SEMA6B: variants seen among roughly 807,000 people sequenced by gnomAD.
SEMA6B encodes the protein semaphorin-6B.
Under a neutral mutation model 78.6 loss-of-function variants are expected in SEMA6B, and 47 were observed. The ratio of observed to expected loss-of-function variants is 0.60; its 90% confidence interval spans 0.47 to 0.76. The LOEUF is 0.76. Among genes scored for constraint, SEMA6B ranks in the 30% least tolerant of loss-of-function variants. The probability of loss-of-function intolerance (pLI) is 0.00; values close to 1 mark genes in which losing one functional copy is unlikely to be tolerated. For missense variants in SEMA6B, 1,213 were observed against 1,269.9 expected (o/e 0.96, Z 0.68); for synonymous variants, 632 against 592.2 (o/e 1.07, Z -0.98).
rs1568250537 is a variant in SEMA6B at position 4,542,790 on chromosome 19, GC to G, written c.*810del. On this transcript the variant is annotated 3_prime_UTR_variant, in exon 17 of 17. Transcript: ENST00000586582. Reference sequence around the variant, plus strand: ...CAGAGGGGCCCCACCCACCTTCGCCGCCCCCCAGGCCCCCAAGCCCTTTAGA... The same window carrying G: ...CAGAGGGGCCCCACCCACCTTCGCCGCCCCCAGGCCCCCAAGCCCTTTAGA... The G allele has an allele frequency of 2.9e-6, 2 of 687,290 alleles. No individual in the cohort carries two copies. The highest frequency in any genetic ancestry group is 2.7e-5 in the East Asian group (1 of 36,380). The allele number at this position is 687,290 out of a possible 1,614,324, so 42.6% of individuals were successfully genotyped here.
At position 4,550,440 on chromosome 19, in the gene SEMA6B, T is replaced by C. The variant is rs987065504; in HGVS notation, c.1122-168A>G. Among the ~76,000 whole-genome samples, 4 of 152,176 alleles carry C rather than the reference T, an allele frequency of 2.6e-5. No homozygotes were observed. The highest frequency in any genetic ancestry group is 2.1e-4 in the South Asian group (1 of 4,832). ...CCCAGGCTGGAGTGCTTTGGCTCAC[T>C]GCAACCTCCACCTCCTGGGTTCAAG... On this transcript the variant is annotated intron_variant, in intron 11 of 16. Coordinates refer to ENST00000586582, the MANE Select transcript of SEMA6B (RefSeq NM_032108.4). The surrounding 1 kb of genome is among the most constrained non-coding windows in gnomAD (Gnocchi z 6.6).
Position 4,543,495 on chromosome 19 carries a change from G to T in SEMA6B, c.*106C>A, listed in dbSNP as rs80073958. On this transcript the variant is annotated 3_prime_UTR_variant, in exon 17 of 17. Coordinates refer to ENST00000586582, the MANE Select transcript of SEMA6B (RefSeq NM_032108.4). The stretch of plus-strand genomic sequence containing the variant: ...CACTCCGCGGGTGGGTCGCGGGGGG[G>T]ACTTGAGCACCCACTCGGAGTTGCC... 1 of 473,052 alleles carries T rather than the reference G, an allele frequency of 2.1e-6. No individual in the cohort carries two copies. The allele number at this position is 473,052 out of a possible 1,614,324, so 29.3% of individuals were successfully genotyped here. A position where few individuals can be genotyped will look rare whatever the true frequency, so the allele number is the denominator to read the frequency against.
Position 4,552,443 on chromosome 19 carries a change from A to G in SEMA6B, c.968T>C (p.Val323Ala), listed in dbSNP as rs1221115302. The G allele has an allele frequency of 6.3e-7, 1 of 1,592,894 alleles. No homozygotes were observed. The highest frequency in any genetic ancestry group is 8.5e-7 in the Non-Finnish European group (1 of 1,170,448). ...TGACCTGTTGCTGGGCGTGGAAAAAACGGCCAGGACCACGGGCCGGCCCCC... is the reference window on the plus strand; with the variant it reads ...TGACCTGTTGCTGGGCGTGGAAAAAGCGGCCAGGACCACGGGCCGGCCCCC... ...SLGGRPVVLA[V>A]FSTPSNSIPG... Residue 323 changes from valine to alanine, a missense_variant, in exon 10 of 17, where the codon GTT becomes GCT. Val to Ala is a moderately conservative substitution (Grantham distance 64, BLOSUM62 0). Coordinates refer to ENST00000586582, the MANE Select transcript of SEMA6B (RefSeq NM_032108.4). This position sits in a 1 kb window ranked among gnomAD's most constrained non-coding sequence, Gnocchi z 7.4.
Position 4,550,131 on chromosome 19 carries a change from G to T in SEMA6B, c.1263C>A (p.Thr421=), listed in dbSNP as rs1248032814. The change falls in exon 12 of 17, where the codon ACC becomes ACA. Residue 421 remains threonine (T), a synonymous_variant. Coordinates refer to ENST00000586582, the MANE Select transcript of SEMA6B (RefSeq NM_032108.4). This position sits in a 1 kb window ranked among gnomAD's most constrained non-coding sequence, Gnocchi z 6.6. ...SLGHAPWILR[T]LMRHQLTRVA... ...GCCTCTCCAGGACCGACCTCATCAG[G>T]GTCCGCAGGATCCAGGGCGCATGGC... The T allele has an allele frequency of 1.2e-6, 2 of 1,613,672 alleles. No homozygotes were observed. The highest frequency in any genetic ancestry group is 4.5e-5 in the East Asian group (2 of 44,854).
chr19:4,550,068 C>T lies in SEMA6B; in HGVS notation c.1271+55G>A. 6.3e-7 allele frequency: 1 copy of T among 1,579,986 alleles called. No individual in the cohort carries two copies. The highest frequency in any genetic ancestry group is 1.1e-5 in the South Asian group (1 of 88,900). On this transcript the variant is annotated intron_variant, in intron 12 of 16. Coordinates refer to ENST00000586582, the MANE Select transcript of SEMA6B (RefSeq NM_032108.4). This position sits in a 1 kb window ranked among gnomAD's most constrained non-coding sequence, Gnocchi z 6.6. ...TGTTGAGCATCTGGATCCTCTCACC[C>T]TCCATCTACCCCATCCTGTCTCCCC...
rs1465294532 is a variant in SEMA6B at position 4,542,810 on chromosome 19, C to G, written c.*791G>C. 1.4e-6 allele frequency: 1 copy of G among 701,612 alleles called. No individual in the cohort carries two copies. Among genetic ancestry groups the G allele is most frequent in the Middle Eastern group, 2.4e-4 (1 of 4,198 alleles). The allele number at this position is 701,612 out of a possible 1,614,324, so 43.5% of individuals were successfully genotyped here. A position where few individuals can be genotyped will look rare whatever the true frequency, so the allele number is the denominator to read the frequency against. ...TCGCCGCCCCCCAGGCCCCCAAGCC[C>G]TTTAGACAGCTGCTGCCGATGTGAC... On this transcript the variant is annotated 3_prime_UTR_variant, in exon 17 of 17. Coordinates refer to ENST00000586582, the MANE Select transcript of SEMA6B (RefSeq NM_032108.4).
intron 3 of SEMA6B, among the ~76,000 whole-genome samples, chr19:4,557,740 C>G (rs73920846): frequency 0.052 from 7,925 of 152,282 alleles, 255 homozygotes; most frequent in Middle Eastern, 0.099. Context: ...CCAGCCTGGA[C>G]AGCCCAGTCC....
At chr19:4,548,473 G>T in intron 12 of SEMA6B, 28 bp from the exon 13 acceptor site, 1 of 1,595,324 alleles carries the variant, frequency 6.3e-7, no homozygotes, top group South Asian at 1.1e-5. Context: ...GGAGGGTCAG[G>T]CTGGCCCCAT....
At position 4,550,399 on chromosome 19, in the gene SEMA6B, G is replaced by A; in HGVS notation, c.1122-127C>T. 1 of 1,041,370 alleles carries A rather than the reference G, an allele frequency of 9.6e-7. No homozygotes were observed. Among genetic ancestry groups the A allele is most frequent in the South Asian group, 1.5e-5 (1 of 66,666 alleles). The allele number at this position is 1,041,370 out of a possible 1,614,324, so 64.5% of individuals were successfully genotyped here. A position where few individuals can be genotyped will look rare whatever the true frequency, so the allele number is the denominator to read the frequency against. ...TTTTGTTTGTTTTGTTTTTGAGACA[G>A]AGTCTCAATCTGTCGCCCAGGCTGG... On this transcript the variant is annotated intron_variant, in intron 11 of 16. Transcript: ENST00000586582. The surrounding 1 kb of genome is among the most constrained non-coding windows in gnomAD (Gnocchi z 6.6).
Position 4,544,510 on chromosome 19 carries a change from G to A in SEMA6B, c.1758C>T (p.Leu586=). 9 of 1,555,764 alleles carry A rather than the reference G, an allele frequency of 5.8e-6. No individual in the cohort carries two copies. Among genetic ancestry groups the A allele is most frequent in the Non-Finnish European group, 7.8e-6 (9 of 1,149,772 alleles). ...ACACCAGCCCCGCGCGGTCCTCGGAGAGGCTGGCCCGCAGGAGTCCTGGCC... is the reference window on the plus strand; with the variant it reads ...ACACCAGCCCCGCGCGGTCCTCGGAAAGGCTGGCCCGCAGGAGTCCTGGCC... The part of the protein sequence containing the change: ...GDCTGLLRAS[L]SEDRAGLVSV... Residue 586 remains leucine (L), a synonymous_variant, in exon 17 of 17, where the codon CTC becomes CTT. Coordinates refer to ENST00000586582, the MANE Select transcript of SEMA6B (RefSeq NM_032108.4). This position sits in a 1 kb window ranked among gnomAD's most constrained non-coding sequence, Gnocchi z 5.1.
In SEMA6B at chr19:4,543,380, C is replaced by A; in HGVS notation, c.*221G>T. On this transcript the variant is annotated 3_prime_UTR_variant, in exon 17 of 17. Transcript: ENST00000586582. Reference sequence around the variant, plus strand: ...CAAATCCATAGCAAAGTCCTCCCGCCCACCCACCCCCAAACCGTCTCAGCG... The same window carrying A: ...CAAATCCATAGCAAAGTCCTCCCGCACACCCACCCCCAAACCGTCTCAGCG... The A allele has an allele frequency of 4.9e-6, 1 of 202,778 alleles. No homozygotes were observed. The highest frequency in any genetic ancestry group is 1.2e-4 in the East Asian group (1 of 8,016). The allele number at this position is 202,778 out of a possible 1,614,324, so 12.6% of individuals were successfully genotyped here.
chr19:4,546,520 A>G (rs988154111), intron 14 of SEMA6B, 51 bp from the exon 15 acceptor site: 25 of 1,337,192 alleles, frequency 1.9e-5, no homozygotes, highest in Non-Finnish European at 2.5e-5. Context: ...CACTTACACA[A>G]CCCCAATGGT....
Position 4,543,889 on chromosome 19 carries a change from G to A in SEMA6B, c.2379C>T (p.Ala793=), listed in dbSNP as rs1233116246. ...SHGDFPLTPH[A]SPDRRRVVSA... ...ACACCACCCGCCGGCGGTCCGGGCT[G>A]GCGTGGGGGGTGAGCGGGAAGTCGC... Residue 793 remains alanine, a synonymous_variant, in exon 17 of 17, where the codon GCC becomes GCT. Coordinates refer to ENST00000586582, the MANE Select transcript of SEMA6B (RefSeq NM_032108.4). 2.5e-6 allele frequency: 3 copies of A among 1,205,114 alleles called. No homozygotes were observed. Among genetic ancestry groups the A allele is most frequent in the Admixed American group, 8.8e-5 (2 of 22,642 alleles). The allele number at this position is 1,205,114 out of a possible 1,614,324, so 74.7% of individuals were successfully genotyped here. A position where few individuals can be genotyped will look rare whatever the true frequency, so the allele number is the denominator to read the frequency against.
chr19:4,548,341 A>G lies in SEMA6B; in HGVS notation c.1376T>C (p.Val459Ala). 6.2e-7 allele frequency: 1 copy of G among 1,613,868 alleles called. No homozygotes were observed. Among genetic ancestry groups the G allele is most frequent in the Non-Finnish European group, 8.5e-7 (1 of 1,180,008 alleles). Residue 459 changes from valine to alanine, a missense_variant, in exon 13 of 17, where the codon GTC becomes GCC. Transcript: ENST00000586582. Reference protein sequence around the residue: ...SEAGTVLKFLVRPNASTSGTS... With the variant: ...SEAGTVLKFLARPNASTSGTS... ...CCCTGAGGTGCTGGCATTGGGCCGGACGAGGAACTTGAGGACCGTCCCCGC... is the reference window on the plus strand; with the variant it reads ...CCCTGAGGTGCTGGCATTGGGCCGGGCGAGGAACTTGAGGACCGTCCCCGC...
chr19:4,546,063 G>A (rs1327890489), intron 16 of SEMA6B, 153 bp downstream of exon 16: 30 of 752,384 alleles, frequency 4.0e-5, no homozygotes, highest in Non-Finnish European at 5.4e-5. Context: ...GAGCCACCGC[G>A]CCCGGCCCAC....
chr19:4,543,814 C>T lies in SEMA6B; in HGVS notation c.2454G>A (p.Pro818=), dbSNP rs1977086091. The T allele has an allele frequency of 2.5e-6, 3 of 1,216,864 alleles. No homozygotes were observed. The highest frequency in any genetic ancestry group is 3.1e-5 in the African/African-American group (2 of 63,492). The allele number at this position is 1,216,864 out of a possible 1,614,324, so 75.4% of individuals were successfully genotyped here. Residue 818 remains proline, a synonymous_variant, in exon 17 of 17, where the codon CCG becomes CCA. Coordinates refer to ENST00000586582, the MANE Select transcript of SEMA6B (RefSeq NM_032108.4). ...CCGTCGGGGGCGGGCTCCAGGGCCG[C>T]GGGAGGCCATCGGCGGCTGAGGCTG... is the stretch of plus-strand genomic sequence containing the variant. ...LDPASAADGL[P]RPWSPPPTGS...
chr19:4,544,528 T>G lies in SEMA6B; in HGVS notation c.1740A>C (p.Gly580=). The G allele has an allele frequency of 6.6e-7, 1 of 1,517,218 alleles. No individual in the cohort carries two copies. Among genetic ancestry groups the G allele is most frequent in the Non-Finnish European group, 8.9e-7 (1 of 1,128,704 alleles). 94.0% of individuals were successfully genotyped at this position (1,517,218 alleles called of 1,614,324 possible). The part of the protein sequence containing the change: ...ASTSGLGDCT[G]LLRASLSEDR... ...CCTCGGAGAGGCTGGCCCGCAGGAG[T>G]CCTGGCCGGGGAGCACAGGGGGGTT... Residue 580 remains glycine (G), a splice_region_variant and synonymous_variant, in exon 17 of 17, where the codon GGA becomes GGC. Coordinates refer to ENST00000586582, the MANE Select transcript of SEMA6B (RefSeq NM_032108.4). The surrounding 1 kb of genome is among the most constrained non-coding windows in gnomAD (Gnocchi z 5.1).
In SEMA6B at chr19:4,546,401, G is replaced by A. The variant is rs374897578; in HGVS notation, c.1670C>T (p.Pro557Leu). The A allele has an allele frequency of 4.9e-5, 78 of 1,584,082 alleles. No individual in the cohort carries two copies. The highest frequency in any genetic ancestry group is 8.1e-5 in the African/African-American group (6 of 74,184). Residue 557 changes from proline to leucine, a missense_variant, in exon 15 of 17, where the codon CCG (proline) becomes CTG (leucine). Coordinates refer to ENST00000586582, the MANE Select transcript of SEMA6B (RefSeq NM_032108.4). ...APDGSCIFLS[P>L]GTRAAFEQDV... ...CCCTCTCCCGCAGTACCTGGTGCCCGGGCTGAGGAAGATGCAGGAGCCGTC... is the reference window on the plus strand; with the variant it reads ...CCCTCTCCCGCAGTACCTGGTGCCCAGGCTGAGGAAGATGCAGGAGCCGTC...
chr19:4,555,165 A>G lies in SEMA6B; in HGVS notation c.563-70T>C. On this transcript the variant is annotated intron_variant, in intron 7 of 16. Transcript: ENST00000586582. The surrounding 1 kb of genome is among the most constrained non-coding windows in gnomAD (Gnocchi z 6.1). ...GAGGCCAGGGGCTGGGTGGGTCGAA[A>G]CTCGATTTTCTGAGACTGAGTCCTG... is the stretch of plus-strand genomic sequence containing the variant. 6.5e-7 allele frequency: 1 copy of G among 1,550,374 alleles called. No individual in the cohort carries two copies. The highest frequency in any genetic ancestry group is 8.8e-7 in the Non-Finnish European group (1 of 1,133,050).
Sources: gnomAD v4.1 joint callset for allele counts (sites outside exome capture counted in the v4.1 genomes callset) on GRCh38, gnomAD v4.1.1 for gene constraint, Gnocchi (gnomAD v3.1) non-coding constraint, MANE v1.5 for transcripts, NCBI Gene and HGNC (gene_info 2026-07-23, HGNC 2026-07-21) for gene names.